The following ME3 variants were observed in gnomAD, a reference collection of about 807,000 sequenced individuals.
ME3 encodes malic enzyme 3, also known as NADP-dependent malic enzyme, mitochondrial.
A neutral mutation model predicts 68.9 loss-of-function variants in ME3; 48 were observed. The ratio of observed to expected loss-of-function variants is 0.70; its 90% confidence interval spans 0.55 to 0.89. The LOEUF (loss-of-function observed/expected upper bound fraction) is 0.89. Among genes scored for constraint, ME3 ranks in the 40% least tolerant of loss-of-function variants. The pLI is 0.00. For missense variants in ME3, 675 were observed against 797.4 expected (o/e 0.85, Z 1.85); for synonymous variants, 320 against 318.8 (o/e 1.00, Z -0.04).
chr11:86,598,926 G>A (rs1167740074), intron 2 of ME3, among the ~76,000 whole-genome samples: 3 of 152,108 alleles, frequency 2.0e-5, no homozygotes, highest in Non-Finnish European at 2.9e-5. Flanking sequence ...AACAGAAAGG[G>A]CATCCACACC....
At chr11:86,541,756 G>C (rs975818196) in intron 4 of ME3, among the ~76,000 whole-genome samples, 3 of 152,246 alleles carry the variant, frequency 2.0e-5, no homozygotes, top group African/African-American at 7.2e-5. Flanking sequence ...TGCCGGGTCT[G>C]AAGAGAGCAG....
At position 86,544,590 on chromosome 11, in the gene ME3, C is replaced by T. The variant is rs187468560; in HGVS notation, c.467+11963G>A. 5.9e-5 allele frequency among the ~76,000 whole-genome samples: 9 copies of T among 152,278 alleles called. No homozygotes were observed. The East Asian group carries it at 1.7e-3, about 29-fold the overall frequency. ...TAAATTCTTGAACACATACACCCTC[C>T]TCCCAAGACTAAACCAGGAAGAAGT... On this transcript the variant is annotated intron_variant, in intron 4 of 14. Coordinates refer to ENST00000543262, the Ensembl canonical transcript of ME3.
intron 2 of ME3, among the ~76,000 whole-genome samples, chr11:86,578,486 G>A (rs1958246673): frequency 6.6e-6 from 1 of 152,108 alleles, no homozygotes; most frequent in Non-Finnish European, 1.5e-5. Context: ...CGAATAAGTG[G>A]GCGGGGTGCC....
chr11:86,665,376 CTT>C (rs1276383101), intron 2 of ME3, among the ~76,000 whole-genome samples: 1 of 151,980 alleles, frequency 6.6e-6, no homozygotes, highest in Non-Finnish European at 1.5e-5. Flanking sequence ...AAGTGAGAAA[CTT>C]TGAAAAAGGG....
At chr11:86,468,108 C>T (rs1190336416) in intron 7 of ME3, among the ~76,000 whole-genome samples, 1 of 152,160 alleles carries the variant, frequency 6.6e-6, no homozygotes, top group Admixed American at 6.5e-5. Flanking sequence ...CTGACCACAG[C>T]CTTTCCTTCT....
At chr11:86,456,352 T>C (rs760918244) in intron 8 of ME3, among the ~76,000 whole-genome samples, 9 of 152,160 alleles carry the variant, frequency 5.9e-5, no homozygotes, top group Non-Finnish European at 1.2e-4. Flanking sequence ...CTTTTTCTTT[T>C]TGGGTGTCAA....
intron 2 of ME3, among the ~76,000 whole-genome samples, chr11:86,656,533 G>A (rs536448216): frequency 1.8e-3 from 274 of 149,322 alleles, no homozygotes; most frequent in Non-Finnish European, 3.3e-3. Flanking sequence ...TCACTCAAAG[G>A]TGGGAACTGA....
chr11:86,475,874 T>TATATATATATAGAGAGAGAGAG lies in ME3; in HGVS notation c.810-10675_810-10674insCTCTCTCTCTCTATATATATAT. Among the ~76,000 whole-genome samples, 14 of 91,472 alleles carry TATATATATATAGAGAGAGAGAG rather than the reference T, an allele frequency of 1.5e-4. No homozygotes were observed. The South Asian group carries it at 1.7e-3, about 11-fold the overall frequency. 60.0% of individuals were successfully genotyped at this position (91,472 alleles called of 152,430 possible). On this transcript the variant is annotated intron_variant, in intron 7 of 14. Coordinates refer to ENST00000543262, the Ensembl canonical transcript of ME3. ...CAGTATATATATATATATATATATA[T>TATATATATATAGAGAGAGAGAG]AGAGAGAGAGAGAGAGAGAGAGAGA...
In ME3 at chr11:86,464,950, A is replaced by G; in HGVS notation, c.919+141T>C. 4.8e-6 allele frequency: 3 copies of G among 631,420 alleles called. No homozygotes were observed. In the East Asian group the frequency reaches 8.1e-5, roughly 17 times the overall value. The allele number at this position is 631,420 out of a possible 1,614,324, so 39.1% of individuals were successfully genotyped here. On this transcript the variant is annotated intron_variant, in intron 8 of 14. Coordinates refer to ENST00000543262, the Ensembl canonical transcript of ME3. ...ATTAGCCAAGTAGGAGTTGAATCTA[A>G]GTTTAATATTCTTTTTTCAACAGCT...
chr11:86,507,976 C>CA (rs60253913), intron 5 of ME3, among the ~76,000 whole-genome samples: 18,923 of 143,118 alleles, frequency 0.13, 1,212 homozygotes, highest in African/African-American at 0.16. Flanking sequence ...GACTCTGTCT[C>CA]AAAAAAAAAA....
At chr11:86,668,466 T>C (rs1322069779) in intron 2 of ME3, among the ~76,000 whole-genome samples, 1 of 152,208 alleles carries the variant, frequency 6.6e-6, no homozygotes, top group East Asian at 1.9e-4. Flanking sequence ...TTGTAACTCA[T>C]AGTCTGAACA....
intron 3 of ME3, among the ~76,000 whole-genome samples, chr11:86,558,696 T>C (rs967471346): frequency 6.6e-6 from 1 of 152,210 alleles, no homozygotes; most frequent in African/African-American, 2.4e-5. Context: ...ATCTTCTTCC[T>C]ACATTTCTGC....
At chr11:86,462,709 T>A in intron 8 of ME3, 1 of 683,550 alleles carries the variant, frequency 1.5e-6, no homozygotes, top group Non-Finnish European at 2.3e-6. Flanking sequence ...GGCATGGTTC[T>A]TGCCTCCAGA....
intron 2 of ME3, among the ~76,000 whole-genome samples, chr11:86,569,030 G>A (rs1259249758): frequency 6.6e-6 from 1 of 152,226 alleles, no homozygotes; most frequent in Middle Eastern, 3.2e-3. Context: ...TGTGGGATTA[G>A]ATGAAATAAT....
chr11:86,597,056 C>G (rs1211463547), intron 2 of ME3, among the ~76,000 whole-genome samples: 4 of 152,176 alleles, frequency 2.6e-5, no homozygotes, highest in African/African-American at 9.7e-5. Flanking sequence ...ATGGCACAGG[C>G]AGAGCAGGAA....
intron 7 of ME3, among the ~76,000 whole-genome samples, chr11:86,478,324 C>CAAAAAAAAAAAAAAAAAAAAAA (rs57349808): frequency 4.8e-5 from 3 of 62,914 alleles, no homozygotes; most frequent in Non-Finnish European, 6.0e-5. Context: ...GCCTAAGGAC[C>CAAAAAAAAAAAAAAAAAAAAAA]AAAAAAAAAA....
intron 2 of ME3, among the ~76,000 whole-genome samples, chr11:86,560,701 GATAT>G: frequency 8.5e-6 from 1 of 117,894 alleles, no homozygotes; most frequent in South Asian, 2.9e-4. Context: ...TGTATATAAT[GATAT>G]GTGTGTGTGT....
intron 4 of ME3, among the ~76,000 whole-genome samples, chr11:86,522,486 C>T (rs1026041874): frequency 2.5e-4 from 38 of 151,792 alleles, no homozygotes; most frequent in African/African-American, 9.2e-4. Context: ...GCCCCACATG[C>T]ATTAGGTATT....
intron 2 of ME3, among the ~76,000 whole-genome samples, chr11:86,645,818 G>T (rs1054163467): frequency 2.6e-5 from 4 of 152,150 alleles, no homozygotes; most frequent in African/African-American, 9.7e-5. Context: ...TGGCATCTGG[G>T]AGGTGCCCCT....
Sources: gnomAD v4.1 joint callset for allele counts (sites outside exome capture counted in the v4.1 genomes callset) on GRCh38, gnomAD v4.1.1 for gene constraint, MANE v1.5 for transcripts, NCBI Gene and HGNC (gene_info 2026-07-23, HGNC 2026-07-21) for gene names.